NEO1: variants seen among roughly 807,000 people sequenced by gnomAD.
NEO1 encodes neogenin 1.
NEO1 carries 63 observed loss-of-function variants against 159.7 expected under a neutral mutation model. The observed-to-expected ratio is 0.39, with a 90% CI of 0.32 to 0.49. NEO1 has a LOEUF of 0.49. Among genes scored for constraint, NEO1 ranks in the 20% least tolerant of loss-of-function variants. NEO1 has a pLI of 0.85. For synonymous variants in NEO1, 633 were observed against 662.0 expected, an observed-to-expected ratio of 0.96 and a Z score of 0.67; for missense variants, 1,615 against 1,831.0, an observed-to-expected ratio of 0.88 and a Z score of 2.15.
intron 15 of NEO1, among the ~76,000 whole-genome samples, chr15:73,264,530 G>A (rs2040793560): frequency 6.6e-6 from 1 of 152,182 alleles, no homozygotes; most frequent in South Asian, 2.1e-4. Flanking sequence ...AAAATGGAGT[G>A]CACATTGCAG....
At chr15:73,089,312 T>A (rs967491280) in intron 1 of NEO1, among the ~76,000 whole-genome samples, 5 of 152,148 alleles carry the variant, frequency 3.3e-5, no homozygotes, top group Admixed American at 3.3e-4. Flanking sequence ...AGTTCAGTGA[T>A]TTGTATGTAC....
rs76944250 is a variant in NEO1 at position 73,178,436 on chromosome 15, G to C, written c.1291+9G>C. 9.3e-6 allele frequency: 15 copies of C among 1,612,922 alleles called. No individual in the cohort carries two copies. The Admixed American group carries it at 2.3e-4, about 25-fold the overall frequency. On this transcript the variant is annotated intron_variant, in intron 7 of 28. Transcript: ENST00000261908. ...GATAATCCTTGAACATGGTAAGAAGGGCTGAAATAGTCAGATGATAGAGGC... is the reference window on the plus strand; with the variant it reads ...GATAATCCTTGAACATGGTAAGAAGCGCTGAAATAGTCAGATGATAGAGGC...
chr15:73,269,364 G>T (rs1024130754), intron 16 of NEO1, among the ~76,000 whole-genome samples: 1 of 151,948 alleles, frequency 6.6e-6, no homozygotes, highest in Admixed American at 6.6e-5. Flanking sequence ...TGGTTTTGGG[G>T]TTTTTTTGTT....
At chr15:73,252,240 C>T (rs561031810) in intron 11 of NEO1, among the ~76,000 whole-genome samples, 63 of 152,256 alleles carry the variant, frequency 4.1e-4, no homozygotes, top group South Asian at 8.3e-4. Flanking sequence ...GAAGTTTCCA[C>T]GGGTGGATTA....
intron 1 of NEO1, among the ~76,000 whole-genome samples, chr15:73,115,767 T>G (rs2071274419): frequency 6.6e-6 from 1 of 152,222 alleles, no homozygotes; most frequent in African/African-American, 2.4e-5. Context: ...AATATTTTTC[T>G]TTAAATTTTG....
rs566541845 is a variant in NEO1, at chr15:73,118,089, C to CTAAA, written c.448+1233_448+1234insAAAT. 9.2e-4 allele frequency among the ~76,000 whole-genome samples: 140 copies of CTAAA among 152,244 alleles called. 1 individual carries two copies. In the South Asian group the frequency reaches 0.028, roughly 31 times the overall value. ...AGTTCTTAAATATCTCTTATCTGGG[C>CTAAA]TTTATTCATGGGCTCCTTCCTCTCG... On this transcript the variant is annotated intron_variant, in intron 2 of 28. Coordinates refer to ENST00000261908, the MANE Select transcript of NEO1 (RefSeq NM_002499.4).
chr15:73,244,269 G>A (rs1239089682), intron 8 of NEO1, 75 bp from the exon 9 acceptor site: 3 of 1,474,462 alleles, frequency 2.0e-6, no homozygotes, highest in Non-Finnish European at 2.7e-6. Context: ...TTTTTATGTG[G>A]AGTGGAAAAT....
In NEO1 at chr15:73,266,424, A is replaced by G. The variant is rs779794896; in HGVS notation, c.2494+13A>G. On this transcript the variant is annotated intron_variant, in intron 16 of 28. Transcript: ENST00000261908. ...AGGCCTCACACAGGTAAGGTATCCT[A>G]TCTTTCCTAGTCTCCAGCACTTTTC... 5.0e-6 allele frequency: 8 copies of G among 1,596,718 alleles called. No homozygotes were observed. The highest frequency in any genetic ancestry group is 4.3e-6 in the Non-Finnish European group (5 of 1,168,508).
chr15:73,285,213 G>A (rs553760605), intron 23 of NEO1, among the ~76,000 whole-genome samples: 133 of 152,020 alleles, frequency 8.7e-4, no homozygotes, highest in African/African-American at 3.0e-3. Flanking sequence ...TCCACCTCCC[G>A]GGTTCAAGTG....
At chr15:73,167,464 G>A (rs961591842) in intron 5 of NEO1, among the ~76,000 whole-genome samples, 2 of 152,230 alleles carry the variant, frequency 1.3e-5, no homozygotes, top group African/African-American at 4.8e-5. Flanking sequence ...TTATTTCCAT[G>A]CTGGGGGCGG....
At position 73,135,946 on chromosome 15, in the gene NEO1, G is replaced by T. The variant is rs1328518989; in HGVS notation, c.934G>T (p.Glu312Ter). The change falls in exon 5 of 29, where the codon GAG (glutamate) becomes TAG (stop). Residue 312 changes from glutamate (E) to a stop codon, truncating the protein, a stop_gained. Transcript: ENST00000261908. LOFTEE classifies it high-confidence loss of function. ...TAGCCTGGAGATCAGTGATGTTACT[G>T]AGGATGATGCTGGGACTTATTTTTG... ...GGSLEISDVT[E>*]DDAGTYFCIA... 1 of 1,607,996 alleles carries T rather than the reference G, an allele frequency of 6.2e-7. No individual in the cohort carries two copies. The highest frequency in any genetic ancestry group is 8.5e-7 in the Non-Finnish European group (1 of 1,178,106).
At chr15:73,158,406 A>G (rs2151871553) in intron 5 of NEO1, among the ~76,000 whole-genome samples, 1 of 151,652 alleles carries the variant, frequency 6.6e-6, no homozygotes. Flanking sequence ...TATTATTATT[A>G]CCATTTTTTT....
chr15:73,276,292 C>CAGT (rs1275015278), intron 21 of NEO1, among the ~76,000 whole-genome samples: 1 of 152,138 alleles, frequency 6.6e-6, no homozygotes, highest in Non-Finnish European at 1.5e-5. Context: ...ATAAACCATC[C>CAGT]AGTTTGTTAG....
At chr15:73,228,663 C>T (rs371828448) in intron 7 of NEO1, among the ~76,000 whole-genome samples, 4 of 151,264 alleles carry the variant, frequency 2.6e-5, no homozygotes, top group South Asian at 4.2e-4. Flanking sequence ...ATGTCTTGTG[C>T]GTTTGATGTA....
intron 1 of NEO1, among the ~76,000 whole-genome samples, chr15:73,099,526 A>G (rs1595978068): frequency 6.6e-6 from 1 of 152,190 alleles, no homozygotes; most frequent in African/African-American, 2.4e-5. Context: ...AAGATTCATT[A>G]TTAAGGATTT....
chr15:73,140,414 G>A (rs1206676121), intron 5 of NEO1, among the ~76,000 whole-genome samples: 1 of 152,116 alleles, frequency 6.6e-6, no homozygotes, highest in Non-Finnish European at 1.5e-5. Context: ...AAATTAGCTA[G>A]GCATAGTGGC....
intron 1 of NEO1, among the ~76,000 whole-genome samples, chr15:73,110,215 T>G (rs545099363): frequency 6.6e-6 from 1 of 152,232 alleles, no homozygotes; most frequent in African/African-American, 2.4e-5. Flanking sequence ...AAAGAAACAT[T>G]AACAAGTAGT....
chr15:73,190,468 T>A (rs2036178872), intron 7 of NEO1, among the ~76,000 whole-genome samples: 1 of 152,148 alleles, frequency 6.6e-6, no homozygotes, highest in African/African-American at 2.4e-5. Context: ...TAGATAAGAA[T>A]ACACACTGAG....
At chr15:73,270,740 T>G (rs1429672963) in intron 18 of NEO1, among the ~76,000 whole-genome samples, 2 of 152,236 alleles carry the variant, frequency 1.3e-5, no homozygotes, top group Non-Finnish European at 2.9e-5. Flanking sequence ...AAAGATGAAG[T>G]GACCTGCCCT....
Sources: gnomAD v4.1 joint callset for allele counts (sites outside exome capture counted in the v4.1 genomes callset) on GRCh38, gnomAD v4.1.1 for gene constraint, MANE v1.5 for transcripts, NCBI Gene and HGNC (gene_info 2026-07-23, HGNC 2026-07-21) for gene names.